Variants in FAM171A1 observed in about 807,000 individuals in gnomAD.
FAM171A1 encodes the protein protein FAM171A1.
In FAM171A1, 23 loss-of-function variants were observed where a neutral mutation model predicts 74.9. The ratio of observed to expected loss-of-function variants is 0.31; its 90% CI spans 0.22 to 0.44. The LOEUF (loss-of-function observed/expected upper bound fraction) is 0.44. FAM171A1 is among the 20% of genes least tolerant of loss of function. FAM171A1 has a pLI of 1.00. For synonymous variants in FAM171A1, 527 were observed against 505.7 expected, an observed-to-expected ratio of 1.04 and a Z score of -0.57; for missense variants, 1,162 against 1,159.2, an observed-to-expected ratio of 1.00 and a Z score of -0.03.
chr10:15,229,921 A>ACCCCCATCAC (rs1834181926), intron 5 of FAM171A1, among the ~76,000 whole-genome samples: 3 of 50,450 alleles, frequency 5.9e-5, no homozygotes, highest in African/African-American at 2.5e-4. Flanking sequence ...ACCATCACCA[A>ACCCCCATCAC]CATCATCATC....
chr10:15,239,286 C>CTTTA (rs914901648), intron 5 of FAM171A1, among the ~76,000 whole-genome samples: 13 of 152,100 alleles, frequency 8.5e-5, no homozygotes, highest in South Asian at 2.1e-4. Flanking sequence ...TAAATATTCA[C>CTTTA]TTTATTTATT....
At chr10:15,313,974 G>A (rs1175598309) in intron 1 of FAM171A1, among the ~76,000 whole-genome samples, 2 of 152,234 alleles carry the variant, frequency 1.3e-5, no homozygotes, top group African/African-American at 2.4e-5. Context: ...CATAGTGCAA[G>A]GCAACGACGG....
intron 3 of FAM171A1, among the ~76,000 whole-genome samples, chr10:15,275,334 T>G (rs1170255323): frequency 2.6e-5 from 4 of 151,584 alleles, no homozygotes; most frequent in Admixed American, 6.6e-5. Context: ...TCACCCAGGC[T>G]GGAGTGCAGT....
intron 1 of FAM171A1, among the ~76,000 whole-genome samples, chr10:15,320,295 T>C (rs1835471576): frequency 6.6e-6 from 1 of 152,250 alleles, no homozygotes; most frequent in African/African-American, 2.4e-5. Context: ...GCAAAGCACA[T>C]GATTTCATTC....
intron 1 of FAM171A1, among the ~76,000 whole-genome samples, chr10:15,294,138 C>T (rs1163014672): frequency 3.3e-5 from 5 of 152,152 alleles, no homozygotes; most frequent in African/African-American, 1.2e-4. Flanking sequence ...TGGCTGTGAG[C>T]CTCCTCCTCC....
intron 1 of FAM171A1, among the ~76,000 whole-genome samples, chr10:15,348,372 A>C (rs1169584565): frequency 6.6e-6 from 1 of 152,154 alleles, no homozygotes. Context: ...TCCTGGGCTC[A>C]AGTGATCCTC....
chr10:15,280,693 C>T (rs563542460), intron 2 of FAM171A1, among the ~76,000 whole-genome samples: 4 of 152,336 alleles, frequency 2.6e-5, no homozygotes, highest in Non-Finnish European at 2.9e-5. Flanking sequence ...CAGTGTGCTG[C>T]ACACGTGTGG....
rs770790741 is a variant in FAM171A1, at chr10:15,213,529, G to A, written c.2059C>T (p.Leu687Phe). 2 of 1,614,170 alleles carry A rather than the reference G, an allele frequency of 1.2e-6. No individual in the cohort carries two copies. The highest frequency in any genetic ancestry group is 1.7e-6 in the Non-Finnish European group (2 of 1,180,038). The change falls in exon 8 of 8, where the codon CTC becomes TTC. Residue 687 changes from leucine to phenylalanine, a missense_variant. Physicochemically the swap from Leu to Phe is conservative, Grantham distance 22. Coordinates refer to ENST00000378116, the MANE Select transcript of FAM171A1 (RefSeq NM_001010924.2). This position sits in a 1 kb window ranked among gnomAD's most constrained non-coding sequence, Gnocchi z 6.8. Reference protein sequence around the residue: ...ALAQMNSEVQLLTEKALMELG... With the variant: ...ALAQMNSEVQFLTEKALMELG... ...TCCATCAGGGCCTTTTCAGTCAGGA[G>A]CTGCACCTCACTGTTCATCTGAGCC... is the stretch of plus-strand genomic sequence containing the variant.
chr10:15,213,548 C>G lies in FAM171A1; in HGVS notation c.2040G>C (p.Gln680His). 6.2e-7 allele frequency: 1 copy of G among 1,614,170 alleles called. No individual in the cohort carries two copies. The highest frequency in any genetic ancestry group is 1.1e-5 in the South Asian group (1 of 91,084). ...PASLNDAALAQMNSEVQLLTE... is the reference protein window; with the variant it reads ...PASLNDAALAHMNSEVQLLTE... ...TCAGGAGCTGCACCTCACTGTTCATCTGAGCCAAAGCCGCGTCGTTCAGGG... is the reference window on the plus strand; with the variant it reads ...TCAGGAGCTGCACCTCACTGTTCATGTGAGCCAAAGCCGCGTCGTTCAGGG... The change falls in exon 8 of 8, where the codon CAG becomes CAC. Residue 680 changes from glutamine (Q) to histidine (H), a missense_variant. By Grantham distance (24) the Gln-to-His change is conservative. Transcript: ENST00000378116. The surrounding 1 kb of genome is among the most constrained non-coding windows in gnomAD (Gnocchi z 6.8).
At chr10:15,304,691 T>C (rs550493601) in intron 1 of FAM171A1, among the ~76,000 whole-genome samples, 31 of 152,264 alleles carry the variant, frequency 2.0e-4, no homozygotes, top group Admixed American at 2.0e-3. Flanking sequence ...TCTTGGGAAC[T>C]GTGAGCAACT....
At chr10:15,280,628 G>T (rs555069883) in intron 2 of FAM171A1, among the ~76,000 whole-genome samples, 2 of 152,292 alleles carry the variant, frequency 1.3e-5, no homozygotes, top group South Asian at 4.1e-4. Context: ...TATTGTTAAG[G>T]ATGAAAAAGG....
chr10:15,240,657 C>T, intron 5 of FAM171A1: 1 of 953,490 alleles, frequency 1.0e-6, no homozygotes, highest in African/African-American at 1.8e-5. Flanking sequence ...GTTCTCTCTC[C>T]TAAGAGTAAA....
chr10:15,264,921 A>G (rs1205269589), intron 3 of FAM171A1, among the ~76,000 whole-genome samples: 1 of 152,198 alleles, frequency 6.6e-6, no homozygotes, highest in East Asian at 1.9e-4. Context: ...GCTTTCTTCC[A>G]ACTAGTGGGA....
At chr10:15,233,749 A>C (rs1403301071) in intron 5 of FAM171A1, among the ~76,000 whole-genome samples, 1 of 152,064 alleles carries the variant, frequency 6.6e-6, no homozygotes, top group East Asian at 1.9e-4. Flanking sequence ...TAAAAATACA[A>C]AAAGTAGCTG....
intron 3 of FAM171A1, among the ~76,000 whole-genome samples, chr10:15,270,045 G>T (rs569833098): frequency 6.6e-6 from 1 of 152,154 alleles, no homozygotes. Flanking sequence ...GGGGCTTGTC[G>T]GACAGTAGGT....
At chr10:15,288,895 TCACTG>T (rs973272600) in intron 1 of FAM171A1, among the ~76,000 whole-genome samples, 1 of 138,750 alleles carries the variant, frequency 7.2e-6, no homozygotes, top group African/African-American at 2.7e-5. Context: ...CAGTCTCGGC[TCACTG>T]CAACCTCCAC....
rs1433208451 is a variant in FAM171A1, at chr10:15,337,254, C to T, written c.97+33702G>A. Among the ~76,000 whole-genome samples, 3 of 152,136 alleles carry T rather than the reference C, an allele frequency of 2.0e-5. No homozygotes were observed. The East Asian group carries it at 5.8e-4, about 29-fold the overall frequency. ...GAGTTGGAACAATTAGAGGATAAATCCCTAAAAAAGAAATATATGCAAATG... is the reference window on the plus strand; with the variant it reads ...GAGTTGGAACAATTAGAGGATAAATTCCTAAAAAAGAAATATATGCAAATG... On this transcript the variant is annotated intron_variant, in intron 1 of 7. Coordinates refer to ENST00000378116, the MANE Select transcript of FAM171A1 (RefSeq NM_001010924.2).
At chr10:15,268,366 G>C (rs1243653369) in intron 3 of FAM171A1, among the ~76,000 whole-genome samples, 3 of 152,168 alleles carry the variant, frequency 2.0e-5, no homozygotes, top group Non-Finnish European at 4.4e-5. Flanking sequence ...TCCTGGATTT[G>C]TGAGGTGGCA....
chr10:15,263,170 ATCT>A (rs1450119386), intron 3 of FAM171A1, among the ~76,000 whole-genome samples: 2 of 152,134 alleles, frequency 1.3e-5, no homozygotes, highest in Non-Finnish European at 2.9e-5. Flanking sequence ...TCTTGTCTGT[ATCT>A]TCTTATTTAC....
Sources: allele counts gnomAD v4.1 joint callset (sites outside exome capture counted in the v4.1 genomes callset), GRCh38; gene constraint gnomAD v4.1.1; non-coding constraint Gnocchi (gnomAD v3.1); transcripts MANE v1.5; gene names NCBI Gene and HGNC (gene_info 2026-07-23, HGNC 2026-07-21).